The following NT5E variants were observed in gnomAD, a reference collection of about 807,000 sequenced individuals.
NT5E encodes 5'-nucleotidase ecto.
In NT5E, 53 loss-of-function variants were observed where a neutral mutation model predicts 55.1. The observed-to-expected ratio is 0.96, with a 90% CI of 0.77 to 1.21. The LOEUF is 1.21. Ranked by LOEUF, NT5E falls within the 50% of genes most tolerant of loss-of-function variation. The pLI is 0.00. For missense variants in NT5E, 683 were observed against 724.3 expected (o/e 0.94, Z 0.65); for synonymous variants, 270 against 278.4 (o/e 0.97, Z 0.30).
Position 85,464,525 on chromosome 6 carries a change from A to G in NT5E, c.340-2535A>G, listed in dbSNP as rs150453908. ...CCTCACACTTTATGGGGTGGGTGTCAGGAATGAGGCTGGAGGGGAAGGCAA... is the reference window on the plus strand; with the variant it reads ...CCTCACACTTTATGGGGTGGGTGTCGGGAATGAGGCTGGAGGGGAAGGCAA... On this transcript the variant is annotated intron_variant, in intron 1 of 8. Transcript: ENST00000257770. Among the ~76,000 whole-genome samples the G allele has an allele frequency of 6.2e-3, 951 of 152,162 alleles. 9 individuals are homozygous for G. The highest frequency in any genetic ancestry group is 0.022 in the African/African-American group (920 of 41,508).
chr6:85,490,727 T>C, intron 7 of NT5E, 70 bp downstream of exon 7: 1 of 1,567,768 alleles, frequency 6.4e-7, no homozygotes, highest in East Asian at 2.2e-5. Flanking sequence ...TGGCTCAGCT[T>C]CCCCTTCACC....
intron 2 of NT5E, among the ~76,000 whole-genome samples, chr6:85,468,774 T>A (rs1444819774): frequency 6.6e-6 from 1 of 151,716 alleles, no homozygotes; most frequent in East Asian, 1.9e-4. Context: ...CATAAGGAGG[T>A]AGGAGGTGCA....
chr6:85,471,194 A>C, intron 2 of NT5E, 43 bp from the exon 3 acceptor site: 1 of 1,353,474 alleles, frequency 7.4e-7, no homozygotes, highest in Non-Finnish European at 1.0e-6. Flanking sequence ...TAATATAATA[A>C]AAATTGTTAA....
chr6:85,491,089 A>T (rs757897146), intron 7 of NT5E: 1 of 530,464 alleles, frequency 1.9e-6, no homozygotes, highest in Non-Finnish European at 3.9e-6. Flanking sequence ...TGGAAGGAGC[A>T]GCCTACTGCA....
chr6:85,455,707 T>C (rs1360268905), intron 1 of NT5E, among the ~76,000 whole-genome samples: 2 of 152,212 alleles, frequency 1.3e-5, no homozygotes, highest in African/African-American at 4.8e-5. Flanking sequence ...GTGATCAGCC[T>C]GAAGTCAGGG....
At chr6:85,486,934 A>C (rs1769678143) in intron 4 of NT5E, among the ~76,000 whole-genome samples, 1 of 152,202 alleles carries the variant, frequency 6.6e-6, no homozygotes, top group Non-Finnish European at 1.5e-5. Context: ...TAGTCACAAC[A>C]CAGCCCTCTC....
At chr6:85,469,983 T>C (rs138976534) in intron 2 of NT5E, among the ~76,000 whole-genome samples, 11 of 152,360 alleles carry the variant, frequency 7.2e-5, no homozygotes, top group African/African-American at 2.6e-4. Flanking sequence ...ATTAGTACTT[T>C]TCAAACTGGA....
chr6:85,467,560 C>T (rs1769220335), intron 2 of NT5E, among the ~76,000 whole-genome samples: 1 of 152,128 alleles, frequency 6.6e-6, no homozygotes, highest in Non-Finnish European at 1.5e-5. Flanking sequence ...AATGTATAGC[C>T]AGTGCTAAAC....
rs1267513159 is a variant in NT5E at position 85,485,369 on chromosome 6, G to A, written c.886G>A (p.Glu296Lys). 6.2e-7 allele frequency: 1 copy of A among 1,614,208 alleles called. No individual in the cohort carries two copies. The highest frequency in any genetic ancestry group is 8.5e-7 in the Non-Finnish European group (1 of 1,180,030). ...AGGCTATCTGAAGATCGAGTTTGAT[G>A]AAAGAGGAAACGTCATCTCTTCCCA... ...YLGYLKIEFD[E>K]RGNVISSHGN... Residue 296 changes from glutamate to lysine, a missense_variant, in exon 4 of 9, where the codon GAA becomes AAA. Physicochemically the swap from Glu to Lys is moderately conservative, Grantham distance 56. Coordinates refer to ENST00000257770, the MANE Select transcript of NT5E (RefSeq NM_002526.4).
At chr6:85,493,746 T>C in intron 8 of NT5E, 95 bp from the exon 9 acceptor site, 1 of 1,046,092 alleles carries the variant, frequency 9.6e-7, no homozygotes, top group Non-Finnish European at 1.5e-6. Context: ...CCCCTGCTTA[T>C]GAAATTGCTT....
intron 2 of NT5E, among the ~76,000 whole-genome samples, chr6:85,470,878 C>T (rs917220967): frequency 2.0e-5 from 3 of 152,352 alleles, no homozygotes; most frequent in South Asian, 2.1e-4. Context: ...GTTGCTAATA[C>T]TCTTTTGTGT....
chr6:85,484,410 T>C (rs1769608003), intron 3 of NT5E, among the ~76,000 whole-genome samples: 1 of 152,170 alleles, frequency 6.6e-6, no homozygotes, highest in Non-Finnish European at 1.5e-5. Flanking sequence ...TCCACCCTCC[T>C]GCATACTCTC....
At chr6:85,462,829 T>G (rs1769121861) in intron 1 of NT5E, among the ~76,000 whole-genome samples, 1 of 152,274 alleles carries the variant, frequency 6.6e-6, no homozygotes, top group Non-Finnish European at 1.5e-5. Flanking sequence ...GAAACCAAGT[T>G]GCTTGGAAAC....
rs185986461 is a variant in NT5E, at chr6:85,478,439, T to G, written c.752-6796T>G. 3.2e-3 allele frequency among the ~76,000 whole-genome samples: 493 copies of G among 152,330 alleles called. 3 individuals carry two copies. Among genetic ancestry groups the G allele is most frequent in the Admixed American group, 7.2e-3 (110 of 15,306 alleles). On this transcript the variant is annotated intron_variant, in intron 3 of 8. Transcript: ENST00000257770. ...ACTGAAGTTTGTGTTTCCTTAACTTTGCTGCTTGATGGTCTTCTGCAAAGG... is the reference window on the plus strand; with the variant it reads ...ACTGAAGTTTGTGTTTCCTTAACTTGGCTGCTTGATGGTCTTCTGCAAAGG...
intron 3 of NT5E, among the ~76,000 whole-genome samples, chr6:85,479,236 G>A (rs1396111421): frequency 6.6e-6 from 1 of 152,120 alleles, no homozygotes; most frequent in Non-Finnish European, 1.5e-5. Context: ...ATGACTAAAT[G>A]TATCTTCTTA....
Position 85,471,361 on chromosome 6 carries a change from C to T in NT5E, c.687C>T (p.Ile229=), listed in dbSNP as rs1456842802. The part of the protein sequence containing the change: ...GHSGFEMDKL[I]AQKVRGVDVV... ...CGGGTTTTGAAATGGATAAACTCAT[C>T]GCTCAGAAAGTGAGGGGTGTGGACG... Residue 229 remains isoleucine (I), a synonymous_variant, in exon 3 of 9, where the codon ATC becomes ATT. Coordinates refer to ENST00000257770, the MANE Select transcript of NT5E (RefSeq NM_002526.4). 7 of 1,612,964 alleles carry T rather than the reference C, an allele frequency of 4.3e-6. No homozygotes were observed. Among genetic ancestry groups the T allele is most frequent in the South Asian group, 3.3e-5 (3 of 90,988 alleles).
At chr6:85,465,212 G>A (rs1049745115) in intron 1 of NT5E, among the ~76,000 whole-genome samples, 4 of 152,180 alleles carry the variant, frequency 2.6e-5, no homozygotes, top group African/African-American at 9.7e-5. Flanking sequence ...AAGTTAGGAT[G>A]GGGAGGTGGA....
intron 4 of NT5E, among the ~76,000 whole-genome samples, chr6:85,486,824 T>G (rs1335873091): frequency 6.6e-6 from 1 of 152,236 alleles, no homozygotes; most frequent in African/African-American, 2.4e-5. Context: ...GATTTTCATA[T>G]GTGTACAGAA....
chr6:85,450,421 C>T lies in NT5E; in HGVS notation c.282C>T (p.Thr94=), dbSNP rs1768831311. The stretch of plus-strand genomic sequence containing the variant: ...AGTACCAGGGCACTATCTGGTTCAC[C>T]GTGTACAAGGGCGCCGAGGTGGCGC... ...GDQYQGTIWF[T]VYKGAEVAHF... The change falls in exon 1 of 9, where the codon ACC becomes ACT. Residue 94 remains threonine (T), a synonymous_variant. Transcript: ENST00000257770. The surrounding 1 kb of genome is among the most constrained non-coding windows in gnomAD (Gnocchi z 4.0). 6.2e-7 allele frequency: 1 copy of T among 1,604,150 alleles called. No individual in the cohort carries two copies. Among genetic ancestry groups the T allele is most frequent in the Non-Finnish European group, 8.5e-7 (1 of 1,176,416 alleles).
Sources: gnomAD v4.1 joint callset for allele counts (sites outside exome capture counted in the v4.1 genomes callset) on GRCh38, gnomAD v4.1.1 for gene constraint, Gnocchi (gnomAD v3.1) non-coding constraint, MANE v1.5 for transcripts, NCBI Gene and HGNC (gene_info 2026-07-23, HGNC 2026-07-21) for gene names.